Variants in PDE1A observed in about 807,000 individuals in gnomAD.
PDE1A encodes dual specificity calcium/calmodulin-dependent 3',5'-cyclic nucleotide phosphodiesterase 1A.
In PDE1A, 35 loss-of-function variants were observed where a neutral mutation model predicts 61.7. The observed-to-expected ratio is 0.57, with a 90% CI of 0.43 to 0.75. The LOEUF is 0.75. PDE1A is among the 30% of genes least tolerant of loss of function. The pLI is 0.00. For missense variants in PDE1A, 597 were observed against 630.6 expected (o/e 0.95, Z 0.57); for synonymous variants, 232 against 213.2 (o/e 1.09, Z -0.77).
At chr2:182,327,455 C>T (rs833173) in intron 1 of PDE1A, among the ~76,000 whole-genome samples, 98,822 of 151,870 alleles carry the variant, frequency 0.65, 33,728 homozygotes, top group Middle Eastern at 0.79. Flanking sequence ...TCAGCATGGC[C>T]GGAGCAGAGG....
At chr2:182,390,365 A>G (rs1353417047) in intron 1 of PDE1A, among the ~76,000 whole-genome samples, 2 of 152,190 alleles carry the variant, frequency 1.3e-5, no homozygotes, top group African/African-American at 2.4e-5. Flanking sequence ...GAGTTATACA[A>G]AATAAATGCA....
exon 2 of PDE1A, chr2:182,522,296 C>A: frequency 1.2e-6 from 2 of 1,613,516 alleles, no homozygotes; most frequent in Non-Finnish European, 1.7e-6. Flanking sequence ...GGCGCTGCCA[C>A]ATTTTTTCAG....
chr2:182,665,957 A>G, the PDE1A span, among the ~76,000 whole-genome samples: 1 of 152,174 alleles, frequency 6.6e-6, no homozygotes, highest in Non-Finnish European at 1.5e-5. Context: ...TCAGCAAACC[A>G]ACACAGGAAC....
intron 2 of PDE1A, among the ~76,000 whole-genome samples, chr2:182,457,375 G>T (rs980072298): frequency 6.6e-6 from 1 of 151,790 alleles, no homozygotes; most frequent in Admixed American, 6.6e-5. Context: ...AGTTAAACAG[G>T]TAGAAAACTG....
At chr2:182,243,153 A>G (rs1267567696) in intron 2 of PDE1A, among the ~76,000 whole-genome samples, 2 of 152,150 alleles carry the variant, frequency 1.3e-5, no homozygotes, top group African/African-American at 2.4e-5. Context: ...GCAATTATAA[A>G]TCTAAACACC....
chr2:182,683,533 C>T, the PDE1A span, among the ~76,000 whole-genome samples: 1 of 152,122 alleles, frequency 6.6e-6, no homozygotes, highest in African/African-American at 2.4e-5. Context: ...AAGACAAGTA[C>T]AAGACTAGAA....
At chr2:182,510,349 T>A (rs66951643) in intron 2 of PDE1A, among the ~76,000 whole-genome samples, 10,018 of 152,214 alleles carry the variant, frequency 0.066, 351 homozygotes, top group Middle Eastern at 0.1. Flanking sequence ...AGTGTGATTC[T>A]CATGAGACTT....
intron 2 of PDE1A, among the ~76,000 whole-genome samples, chr2:182,499,438 A>C (rs1223959578): frequency 6.6e-6 from 1 of 152,172 alleles, no homozygotes; most frequent in African/African-American, 2.4e-5. Flanking sequence ...TGACCAGGCT[A>C]GTCTCAAACT....
intron 2 of PDE1A, among the ~76,000 whole-genome samples, chr2:182,255,716 G>A (rs562964399): frequency 6.6e-4 from 95 of 144,884 alleles, no homozygotes; most frequent in African/African-American, 2.4e-3. Context: ...GGAGTGCAGT[G>A]GCATGGTCTC....
chr2:182,596,573 T>C, the PDE1A span, among the ~76,000 whole-genome samples: 1 of 152,226 alleles, frequency 6.6e-6, no homozygotes, highest in South Asian at 2.1e-4. Context: ...TAATATTCAC[T>C]ATGTGCAGGT....
At position 182,341,002 on chromosome 2, in the gene PDE1A, G is replaced by C. The variant is rs185811809; in HGVS notation, c.54-76588C>G. On this transcript the variant is annotated intron_variant, in intron 1 of 13. Transcript: ENST00000351439. ...TTATTTCCTCCTAGAAGCTTCGAAAGTGTAAACTGTTTTCTAACATGCTCT... is the reference window on the plus strand; with the variant it reads ...TTATTTCCTCCTAGAAGCTTCGAAACTGTAAACTGTTTTCTAACATGCTCT... Among the ~76,000 whole-genome samples the C allele has an allele frequency of 2.6e-5, 4 of 152,320 alleles. No individual in the cohort carries two copies. The East Asian group carries it at 5.8e-4, about 22-fold the overall frequency.
At chr2:182,339,280 C>T (rs1698035339) in intron 1 of PDE1A, among the ~76,000 whole-genome samples, 1 of 152,152 alleles carries the variant, frequency 6.6e-6, no homozygotes, top group East Asian at 1.9e-4. Flanking sequence ...TTTTACCCTA[C>T]CTCATTTCAT....
chr2:182,610,734 A>G, the PDE1A span, among the ~76,000 whole-genome samples: 1 of 152,184 alleles, frequency 6.6e-6, no homozygotes, highest in East Asian at 1.9e-4. Flanking sequence ...ATTGGATAAA[A>G]CTAAATTATA....
intron 2 of PDE1A, among the ~76,000 whole-genome samples, chr2:182,516,808 G>GA (rs1417826250): frequency 1.5e-4 from 16 of 103,304 alleles, no homozygotes; most frequent in African/African-American, 5.2e-4. Flanking sequence ...AGAAAGGAAG[G>GA]AAGGAAAGGA....
chr2:182,409,909 GATA>G (rs1444897467), intron 1 of PDE1A, among the ~76,000 whole-genome samples: 2 of 152,056 alleles, frequency 1.3e-5, no homozygotes, highest in Non-Finnish European at 2.9e-5. Context: ...CAATAGTAAG[GATA>G]ATAATTTTAA....
chr2:182,422,880 G>T (rs1703369151), intron 1 of PDE1A, among the ~76,000 whole-genome samples: 1 of 152,156 alleles, frequency 6.6e-6, no homozygotes, highest in Admixed American at 6.5e-5. Flanking sequence ...ACATGCTGAG[G>T]ACCTTAGTAT....
chr2:182,228,789 T>A (rs1350942407), intron 6 of PDE1A, among the ~76,000 whole-genome samples: 1 of 152,160 alleles, frequency 6.6e-6, no homozygotes, highest in African/African-American at 2.4e-5. Context: ...ACTAAAGGTC[T>A]ACCACCAGAC....
intron 1 of PDE1A, among the ~76,000 whole-genome samples, chr2:182,303,504 A>G (rs1157753082): frequency 1.3e-5 from 2 of 152,206 alleles, no homozygotes; most frequent in African/African-American, 2.4e-5. Flanking sequence ...TCCAGGCTTG[A>G]TCGTTCCATT....
At chr2:182,507,619 G>C (rs7606875) in intron 2 of PDE1A, among the ~76,000 whole-genome samples, 1 of 151,972 alleles carries the variant, frequency 6.6e-6, no homozygotes, top group African/African-American at 2.4e-5. Context: ...AGAGAGATTA[G>C]TCAAGAGAAT....
Sources: gnomAD v4.1 joint callset for allele counts (sites outside exome capture counted in the v4.1 genomes callset) on GRCh38, gnomAD v4.1.1 for gene constraint, MANE v1.5 for transcripts, NCBI Gene and HGNC (gene_info 2026-07-23, HGNC 2026-07-21) for gene names.